Variants in TMC2 observed in about 807,000 individuals in gnomAD.
The protein encoded by TMC2 is transmembrane channel-like protein 2.
In TMC2, 102 loss-of-function variants were observed where a neutral mutation model predicts 105.9. That is an observed-to-expected ratio of 0.96 (90% CI 0.82 to 1.14). TMC2 has a LOEUF of 1.14. Among genes scored for constraint, TMC2 ranks in the 50% most tolerant of loss-of-function variants. The probability of loss-of-function intolerance (pLI) is 0.00; values close to 1 mark genes in which losing one functional copy is unlikely to be tolerated. For synonymous variants in TMC2, 402 were observed against 422.8 expected, an observed-to-expected ratio of 0.95 and a Z score of 0.60; for missense variants, 1,093 against 1,134.3, an observed-to-expected ratio of 0.96 and a Z score of 0.52.
intron 10 of TMC2, among the ~76,000 whole-genome samples, chr20:2,600,055 G>A (rs146657019): frequency 4.6e-5 from 7 of 152,312 alleles, no homozygotes; most frequent in African/African-American, 1.7e-4. Context: ...TTACAGCAAT[G>A]GGGGGCTTAT....
At chr20:2,545,896 GAAAGAAAGAA>G (rs1568500889) in intron 2 of TMC2, among the ~76,000 whole-genome samples, 1 of 118,522 alleles carries the variant, frequency 8.4e-6, no homozygotes, top group Admixed American at 9.5e-5. Context: ...AGAAATGAAA[GAAAGAAAGAA>G]AAAAAGAAAG....
chr20:2,570,343 T>A (rs955767099), intron 4 of TMC2, among the ~76,000 whole-genome samples: 5 of 152,044 alleles, frequency 3.3e-5, no homozygotes, highest in African/African-American at 1.2e-4. Context: ...TCAAGAGCAT[T>A]TCTTGATCTA....
intron 5 of TMC2, among the ~76,000 whole-genome samples, chr20:2,573,682 T>C (rs2086120257): frequency 6.7e-6 from 1 of 148,584 alleles, no homozygotes; most frequent in South Asian, 2.2e-4. Context: ...TGCCTCAGCC[T>C]CCCGAGTACC....
chr20:2,611,364 G>A (rs1431717475), intron 12 of TMC2, among the ~76,000 whole-genome samples: 2 of 152,152 alleles, frequency 1.3e-5, no homozygotes, highest in Admixed American at 6.5e-5. Context: ...GGAAGTGACT[G>A]AATCTGGCCC....
chr20:2,624,107 AG>A (rs1490601780), intron 16 of TMC2, among the ~76,000 whole-genome samples, 163 bp from the exon 17 acceptor site: 2 of 152,194 alleles, frequency 1.3e-5, no homozygotes, highest in Non-Finnish European at 2.9e-5. Context: ...GCAGCCCCTC[AG>A]GGGGAATTTT....
chr20:2,609,596 G>A (rs1267140183), intron 11 of TMC2, among the ~76,000 whole-genome samples: 1 of 152,192 alleles, frequency 6.6e-6, no homozygotes, highest in Non-Finnish European at 1.5e-5. Flanking sequence ...GAGAGCTGAA[G>A]AGGCAGTGGA....
In TMC2 at chr20:2,580,005, A is replaced by C. The variant is rs775990622; in HGVS notation, c.783A>C (p.Gly261=). The change falls in exon 7 of 20, where the codon GGA becomes GGC. Residue 261 remains glycine (G), a synonymous_variant. Transcript: ENST00000358864. ...SYFIFLRWMY[G]VNLVLFGLIF... Reference sequence around the variant, plus strand: ...TCATCTTTCTCCGATGGATGTATGGAGTTAACCTTGTCCTTTTTGGCTTAA... The same window carrying C: ...TCATCTTTCTCCGATGGATGTATGGCGTTAACCTTGTCCTTTTTGGCTTAA... 3.7e-6 allele frequency: 6 copies of C among 1,613,884 alleles called. No homozygotes were observed. The African/African-American group carries it at 5.3e-5, about 14-fold the overall frequency.
intron 17 of TMC2, among the ~76,000 whole-genome samples, chr20:2,630,001 T>C (rs1362823134): frequency 1.3e-5 from 2 of 152,266 alleles, no homozygotes; most frequent in African/African-American, 4.8e-5. Flanking sequence ...AGAAAAAGTT[T>C]GCTGATCCCT....
At chr20:2,561,553 A>G (rs1316469045) in intron 3 of TMC2, among the ~76,000 whole-genome samples, 1 of 152,228 alleles carries the variant, frequency 6.6e-6, no homozygotes, top group Non-Finnish European at 1.5e-5. Flanking sequence ...TTACCACTTC[A>G]ACGTGGCTAC....
intron 4 of TMC2, among the ~76,000 whole-genome samples, chr20:2,562,519 C>T (rs901469275): frequency 3.3e-5 from 5 of 152,254 alleles, no homozygotes; most frequent in African/African-American, 1.2e-4. Context: ...GGCCCCCATG[C>T]AACATGAATA....
In TMC2 at chr20:2,550,160, G is replaced by A. The variant is rs146571713; in HGVS notation, c.83-8296G>A. On this transcript the variant is annotated intron_variant, in intron 2 of 19. Transcript: ENST00000358864. ...ATCACACCAGACTGCACTCCAGCCT[G>A]GGCAACAGAGCCAGACTCTGTCTCA... Among the ~76,000 whole-genome samples the A allele has an allele frequency of 2.7e-3, 408 of 149,556 alleles. 2 individuals carry two copies. Among genetic ancestry groups the A allele is most frequent in the African/African-American group, 9.5e-3 (384 of 40,224 alleles).
chr20:2,553,314 T>C (rs1568502960), intron 2 of TMC2, among the ~76,000 whole-genome samples: 1 of 152,222 alleles, frequency 6.6e-6, no homozygotes, highest in Admixed American at 6.5e-5. Flanking sequence ...GTGTTGTATT[T>C]TTTTAATGTT....
At chr20:2,587,877 T>A (rs2086241769) in intron 7 of TMC2, among the ~76,000 whole-genome samples, 1 of 152,160 alleles carries the variant, frequency 6.6e-6, no homozygotes, top group Non-Finnish European at 1.5e-5. Flanking sequence ...AAATTTTGTA[T>A]CCTTTGACCA....
Position 2,582,927 on chromosome 20 carries a change from C to T in TMC2, c.834+2871C>T, listed in dbSNP as rs138457141. Among the ~76,000 whole-genome samples the T allele has an allele frequency of 2.8e-3, 420 of 152,314 alleles. 1 individual carries two copies. Among genetic ancestry groups the T allele is most frequent in the African/African-American group, 9.4e-3 (390 of 41,572 alleles). On this transcript the variant is annotated intron_variant, in intron 7 of 19. Coordinates refer to ENST00000358864, the MANE Select transcript of TMC2 (RefSeq NM_080751.3). ...TTGCCTGCACAACCCAGGATGTCTA[C>T]GTGATCCCTGAGGAACCCTCAGTTA...
chr20:2,637,677 T>C (rs2086658659), intron 19 of TMC2, 86 bp downstream of exon 19: 1 of 932,254 alleles, frequency 1.1e-6, no homozygotes, highest in Non-Finnish European at 1.7e-6. Context: ...AATCAGACTG[T>C]TCTGGGATTG....
intron 2 of TMC2, among the ~76,000 whole-genome samples, chr20:2,541,016 G>C (rs1051713842): frequency 3.3e-5 from 5 of 152,056 alleles, no homozygotes; most frequent in Non-Finnish European, 5.9e-5. Context: ...TGGCATTTCT[G>C]CTGGGGCCCC....
rs148304247 is a variant in TMC2, at chr20:2,637,419, G to A, written c.2386-55G>A. The stretch of plus-strand genomic sequence containing the variant: ...AAAAAAAATCACTCTCAACACCTCT[G>A]AGCCTCAAAGACCCATTTCCTGGGC... On this transcript the variant is annotated intron_variant, in intron 18 of 19. Transcript: ENST00000358864. 2.9e-5 allele frequency: 32 copies of A among 1,103,240 alleles called. 1 individual carries two copies. The Middle Eastern group carries it at 6.0e-4, about 21-fold the overall frequency. 68.3% of individuals were successfully genotyped at this position (1,103,240 alleles called of 1,614,324 possible).
chr20:2,600,935 C>T (rs771743593), intron 10 of TMC2, among the ~76,000 whole-genome samples: 3 of 147,040 alleles, frequency 2.0e-5, no homozygotes, highest in Admixed American at 6.9e-5. Flanking sequence ...TGCAGTGAGC[C>T]GAGATCATGC....
intron 17 of TMC2, among the ~76,000 whole-genome samples, chr20:2,628,071 G>A (rs1423711460): frequency 1.3e-5 from 2 of 151,924 alleles, no homozygotes; most frequent in African/African-American, 2.4e-5. Context: ...GAGAGACTGA[G>A]GTAGGAGAAT....
Sources: gnomAD v4.1 joint callset for allele counts (sites outside exome capture counted in the v4.1 genomes callset) on GRCh38, gnomAD v4.1.1 for gene constraint, MANE v1.5 for transcripts, NCBI Gene and HGNC (gene_info 2026-07-23, HGNC 2026-07-21) for gene names.